Variants in ECI1 observed in about 807,000 individuals in gnomAD.
ECI1 encodes the protein enoyl-CoA delta isomerase 1, mitochondrial.
In ECI1, 34 loss-of-function variants were observed where a neutral mutation model predicts 34.2. The ratio of observed to expected loss-of-function variants is 1.00; its 90% CI spans 0.76 to 1.33. ECI1 has a LOEUF of 1.33. Among genes scored for constraint, ECI1 ranks in the 40% most tolerant of loss-of-function variants. The pLI is 0.00. For missense variants in ECI1, 456 were observed against 422.2 expected, an observed-to-expected ratio of 1.08 and a Z score of -0.70; for synonymous variants, 211 against 193.0, an observed-to-expected ratio of 1.09 and a Z score of -0.77.
At chr16:2,241,867 T>A (rs1294872098) in intron 6 of ECI1, 1 of 151,450 alleles carries the variant, frequency 6.6e-6, no homozygotes, top group Non-Finnish European at 1.5e-5. Flanking sequence ...ATTTTTTTTT[T>A]TTTTTTTTGA....
At chr16:2,244,332 G>A (rs2093535081) in intron 4 of ECI1, 74 bp downstream of exon 4, 1 of 1,523,454 alleles carries the variant, frequency 6.6e-7, no homozygotes, top group Non-Finnish European at 9.0e-7. Flanking sequence ...TCCAAGGGCA[G>A]GACAGTGTCT....
chr16:2,245,961 T>C (rs572298273), intron 3 of ECI1, among the ~76,000 whole-genome samples: 3 of 152,124 alleles, frequency 2.0e-5, no homozygotes, highest in African/African-American at 7.2e-5. Flanking sequence ...GGAGATTCTG[T>C]CTCAATAAAT....
rs1304178713 is a variant in ECI1 at position 2,239,744 on chromosome 16, C to T, written c.*235G>A. 3.6e-6 allele frequency: 2 copies of T among 561,826 alleles called. No individual in the cohort carries two copies. Among genetic ancestry groups the T allele is most frequent in the African/African-American group, 3.8e-5 (2 of 53,080 alleles). 34.8% of individuals were successfully genotyped at this position (561,826 alleles called of 1,614,324 possible). A position where few individuals can be genotyped will look rare whatever the true frequency, so the allele number is the denominator to read the frequency against. On this transcript the variant is annotated 3_prime_UTR_variant, in exon 7 of 7. Transcript: ENST00000301729. ...CCAGAATGGCATCCCCTGCCAGTCA[C>T]AATCCCAAGTCAAAAGGCTGCCCTC...
At chr16:2,244,212 A>G in intron 4 of ECI1, 194 bp downstream of exon 4, 2 of 673,206 alleles carry the variant, frequency 3.0e-6, no homozygotes, top group Non-Finnish European at 5.2e-6. Context: ...GACCCAGGCC[A>G]GGGCCCTCAC....
At chr16:2,240,508 G>T (rs2093525699) in intron 6 of ECI1, 1 of 273,504 alleles carries the variant, frequency 3.7e-6, no homozygotes. Context: ...AGCACGCCCG[G>T]CCCTAATTTT....
rs1037988203 is a variant in ECI1, at chr16:2,243,356, T to A, written c.525A>T (p.Gly175=). The A allele has an allele frequency of 6.2e-7, 1 of 1,613,566 alleles. No individual in the cohort carries two copies. The highest frequency in any genetic ancestry group is 1.7e-5 in the Admixed American group (1 of 59,998). ...ILADNPRYCI[G]LNETQLGIIA... Reference sequence around the variant, plus strand: ...TGATGCCCAGCTGGGTCTCATTGAGTCCTATGCAGTACCTGGGGTTGTCCG... The same window carrying A: ...TGATGCCCAGCTGGGTCTCATTGAGACCTATGCAGTACCTGGGGTTGTCCG... Residue 175 remains glycine, a synonymous_variant, in exon 5 of 7, where the codon GGA becomes GGT. Coordinates refer to ENST00000301729, the MANE Select transcript of ECI1 (RefSeq NM_001919.4).
Position 2,243,033 on chromosome 16 carries a change from C to T in ECI1, c.742+13G>A, listed in dbSNP as rs1349008995. The T allele has an allele frequency of 3.1e-6, 5 of 1,597,916 alleles. No individual in the cohort carries two copies. The South Asian group carries it at 5.5e-5, about 18-fold the overall frequency. On this transcript the variant is annotated intron_variant, in intron 6 of 6. Coordinates refer to ENST00000301729, the MANE Select transcript of ECI1 (RefSeq NM_001919.4). ...CCAGCATCATCGGGCGCCCGCCATG[C>T]CCCGTGCCTCACCTGGAATGGCCAT... is the stretch of plus-strand genomic sequence containing the variant.
chr16:2,248,946 C>A (rs2093546517), intron 2 of ECI1, among the ~76,000 whole-genome samples: 1 of 152,148 alleles, frequency 6.6e-6, no homozygotes, highest in South Asian at 2.1e-4. Flanking sequence ...CACTGGGATA[C>A]CGCCGGGCTT....
chr16:2,243,084 G>C lies in ECI1; in HGVS notation c.704C>G (p.Thr235Ser), dbSNP rs766982016. The change falls in exon 6 of 7, where the codon ACT becomes AGT. Residue 235 changes from threonine (T) to serine (S), a missense_variant. By Grantham distance (58) the Thr-to-Ser change is moderately conservative. Coordinates refer to ENST00000301729, the MANE Select transcript of ECI1 (RefSeq NM_001919.4). Reference sequence around the variant, plus strand: ...CCACTGGGCTATCGCTGACAGCGCAGTGCTCTGCACCTGCTCCTCCGGGAC... The same window carrying C: ...CCACTGGGCTATCGCTGACAGCGCACTGCTCTGCACCTGCTCCTCCGGGAC... ...QVVPEEQVQS[T>S]ALSAIAQWMA... 2 of 1,605,186 alleles carry C rather than the reference G, an allele frequency of 1.2e-6. No individual in the cohort carries two copies. The highest frequency in any genetic ancestry group is 2.2e-5 in the South Asian group (2 of 91,030).
Position 2,251,527 on chromosome 16 carries a change from G to A in ECI1, c.40C>T (p.Leu14=). Residue 14 remains leucine, a synonymous_variant, in exon 1 of 7, where the codon CTG becomes TTG. Coordinates refer to ENST00000301729, the MANE Select transcript of ECI1 (RefSeq NM_001919.4). ...VASVRVPARV[L]LRAGARLPGA... Reference sequence around the variant, plus strand: ...CCGGGTTTCGCACCCGCGCGGAGCAGAACGCGCGCCGGGACTCGCACAGAA... The same window carrying A: ...CCGGGTTTCGCACCCGCGCGGAGCAAAACGCGCGCCGGGACTCGCACAGAA... 6.4e-7 allele frequency: 1 copy of A among 1,560,814 alleles called. No homozygotes were observed. Among genetic ancestry groups the A allele is most frequent in the Non-Finnish European group, 8.7e-7 (1 of 1,153,862 alleles).
At chr16:2,246,203 T>G (rs567362196) in intron 3 of ECI1, among the ~76,000 whole-genome samples, 2 of 152,344 alleles carry the variant, frequency 1.3e-5, no homozygotes, top group South Asian at 4.1e-4. Flanking sequence ...ATGACACGCC[T>G]AGCGTTCGCC....
chr16:2,246,954 C>A lies in ECI1; in HGVS notation c.199G>T (p.Val67Leu). The change falls in exon 3 of 7, where the codon GTG (valine) becomes TTG (leucine). Residue 67 changes from valine to leucine, a missense_variant. Transcript: ENST00000301729. ...AGAAACTCCAGGCTCAGGCTGTTCA[C>A]TGGGGGGTTCTTGAATTTCATCACA... ...VAVMKFKNPPVNSLSLEFLTE... is the reference protein window; with the variant it reads ...VAVMKFKNPPLNSLSLEFLTE... 7.4e-6 allele frequency: 12 copies of A among 1,613,786 alleles called. No homozygotes were observed. Among genetic ancestry groups the A allele is most frequent in the Non-Finnish European group, 1.0e-5 (12 of 1,180,026 alleles).
Position 2,239,863 on chromosome 16 carries a change from G to GT in ECI1, c.*115dup. The GT allele has an allele frequency of 3.4e-6, 4 of 1,171,148 alleles. No individual in the cohort carries two copies. The highest frequency in any genetic ancestry group is 3.8e-6 in the Non-Finnish European group (3 of 784,542). 72.5% of individuals were successfully genotyped at this position (1,171,148 alleles called of 1,614,324 possible). A position where few individuals can be genotyped will look rare whatever the true frequency, so the allele number is the denominator to read the frequency against. ...GGCTATGAGGAACAGGAACTTCTAC[G>GT]TAACATCAGCAAAATGAAACGCTGG... On this transcript the variant is annotated 3_prime_UTR_variant, in exon 7 of 7. Coordinates refer to ENST00000301729, the MANE Select transcript of ECI1 (RefSeq NM_001919.4).
chr16:2,242,955 C>T (rs1027614526), intron 6 of ECI1, 91 bp downstream of exon 6: 4 of 1,014,714 alleles, frequency 3.9e-6, no homozygotes, highest in Non-Finnish European at 6.1e-6. Context: ...CAACAGTCTC[C>T]CGAAGTCACG....
In ECI1 at chr16:2,251,302, C is replaced by T; in HGVS notation, c.166+14G>A. ...TGACCCCACGCCCGCCCTCCCTCGG[C>T]GCCGCCCGCTCACCTGCGCCCGCGT... On this transcript the variant is annotated intron_variant, in intron 2 of 6. Transcript: ENST00000301729. 1 of 1,174,958 alleles carries T rather than the reference C, an allele frequency of 8.5e-7. No homozygotes were observed. Among genetic ancestry groups the T allele is most frequent in the Middle Eastern group, 3.4e-4 (1 of 2,930 alleles). 72.8% of individuals were successfully genotyped at this position (1,174,958 alleles called of 1,614,324 possible). A position where few individuals can be genotyped will look rare whatever the true frequency, so the allele number is the denominator to read the frequency against.
chr16:2,248,603 G>A (rs185153688), intron 2 of ECI1, among the ~76,000 whole-genome samples: 15 of 151,616 alleles, frequency 9.9e-5, no homozygotes, highest in Admixed American at 7.2e-4. Flanking sequence ...TAGTAGAGAC[G>A]GGGTTTCACC....
intron 3 of ECI1, among the ~76,000 whole-genome samples, chr16:2,245,125 G>A (rs1011235929): frequency 6.6e-6 from 1 of 152,198 alleles, no homozygotes; most frequent in African/African-American, 2.4e-5. Flanking sequence ...CCCAGTCAGG[G>A]CTGCCGGCCA....
Position 2,243,206 on chromosome 16 carries a change from C to T in ECI1, c.582G>A (p.Glu194=), listed in dbSNP as rs1381894574. Residue 194 remains glutamate, a synonymous_variant, in exon 6 of 7, where the codon GAG becomes GAA. Transcript: ENST00000301729. ...IAPFWLKDTL[E]NTIGHRAAER... is the part of the protein sequence containing the mutation. Reference sequence around the variant, plus strand: ...CCGCCGCCCGGTGCCCGATGGTGTTCTCCAGGGTGTCTTTCAACCTGGAAA... The same window carrying T: ...CCGCCGCCCGGTGCCCGATGGTGTTTTCCAGGGTGTCTTTCAACCTGGAAA... The T allele has an allele frequency of 6.2e-7, 1 of 1,611,656 alleles. No homozygotes were observed. The highest frequency in any genetic ancestry group is 1.1e-5 in the South Asian group (1 of 91,080).
rs750350533 is a variant in ECI1, at chr16:2,240,037, T to A, written c.851A>T (p.Asp284Val). The A allele has an allele frequency of 2.9e-5, 47 of 1,613,704 alleles. No individual in the cohort carries two copies. Among genetic ancestry groups the A allele is most frequent in the Non-Finnish European group, 3.9e-5 (46 of 1,179,990 alleles). Residue 284 changes from aspartate (D) to valine (V), a missense_variant, in exon 7 of 7, where the codon GAC (aspartate) becomes GTC (valine). Coordinates refer to ENST00000301729, the MANE Select transcript of ECI1 (RefSeq NM_001919.4). ...CATCTGCAGGGACTTCTGGATGGAG[T>A]CTTTGGAGATGAAGCTGACGAAGTT... is the stretch of plus-strand genomic sequence containing the variant. ...VQNFVSFISK[D>V]SIQKSLQMYL...
Sources: gnomAD v4.1 joint callset for allele counts (sites outside exome capture counted in the v4.1 genomes callset) on GRCh38, gnomAD v4.1.1 for gene constraint, MANE v1.5 for transcripts, NCBI Gene and HGNC (gene_info 2026-07-23, HGNC 2026-07-21) for gene names.